The following PRKG1 variants were observed in gnomAD, a reference collection of about 807,000 sequenced individuals.
PRKG1 encodes the protein cGMP-dependent protein kinase 1.
PRKG1 carries 35 observed loss-of-function variants against 88.1 expected under a neutral mutation model. The ratio of observed to expected loss-of-function variants is 0.40; its 90% CI spans 0.30 to 0.53. The LOEUF (loss-of-function observed/expected upper bound fraction) is 0.53, where lower values mean the gene tolerates loss of function less well. Among genes scored for constraint, PRKG1 ranks in the 20% least tolerant of loss-of-function variants. The pLI is 0.59. For synonymous variants in PRKG1, 303 were observed against 292.5 expected (o/e 1.04, Z -0.37); for missense variants, 540 against 839.8 (o/e 0.64, Z 4.41).
At chr10:51,661,956 T>A (rs1032722439) in intron 3 of PRKG1, among the ~76,000 whole-genome samples, 1 of 152,064 alleles carries the variant, frequency 6.6e-6, no homozygotes, top group African/African-American at 2.4e-5. Flanking sequence ...AAACCATCAT[T>A]CTGAGCAAAC....
rs918131575 is a variant in PRKG1, at chr10:52,149,743, G to A, written c.1002-12146G>A. Among the ~76,000 whole-genome samples the A allele has an allele frequency of 1.2e-4, 18 of 152,282 alleles. No individual in the cohort carries two copies. The East Asian group carries it at 2.9e-3, about 24-fold the overall frequency. ...TGTTCTTTAAGCCACCCAGTCTGTG[G>A]CATTTTGTTATGGCAGCCTCAGGGG... is the stretch of plus-strand genomic sequence containing the variant. On this transcript the variant is annotated intron_variant, in intron 8 of 17. Coordinates refer to ENST00000373980, the MANE Select transcript of PRKG1 (RefSeq NM_006258.4).
chr10:51,576,179 C>A (rs1251188253), intron 3 of PRKG1, among the ~76,000 whole-genome samples: 1 of 151,854 alleles, frequency 6.6e-6, no homozygotes, highest in African/African-American at 2.4e-5. Context: ...AAGTTAGGTA[C>A]CCTGATTACA....
intron 9 of PRKG1, among the ~76,000 whole-genome samples, chr10:52,165,182 T>G (rs1838400867): frequency 6.6e-6 from 1 of 152,204 alleles, no homozygotes. Flanking sequence ...TTGTGTCTTA[T>G]ACACTGTTAG....
chr10:52,206,665 T>C (rs1839827415), intron 9 of PRKG1, among the ~76,000 whole-genome samples: 2 of 152,230 alleles, frequency 1.3e-5, no homozygotes, highest in Non-Finnish European at 2.9e-5. Context: ...GGCTTCATTT[T>C]TGGAAGATTT....
intron 2 of PRKG1, among the ~76,000 whole-genome samples, chr10:51,365,709 C>G (rs1420301520): frequency 6.6e-6 from 1 of 151,850 alleles, no homozygotes; most frequent in Non-Finnish European, 1.5e-5. Flanking sequence ...AACCAGATTC[C>G]TAGGGGATTC....
chr10:52,171,325 GAT>G (rs893814424), intron 9 of PRKG1, among the ~76,000 whole-genome samples: 61 of 152,054 alleles, frequency 4.0e-4, no homozygotes, highest in Non-Finnish European at 1.2e-4. Flanking sequence ...AAATGGGAAC[GAT>G]ATGTCAATTA....
intron 3 of PRKG1, among the ~76,000 whole-genome samples, chr10:51,485,084 A>G (rs967842997): frequency 1.3e-5 from 2 of 152,182 alleles, no homozygotes; most frequent in African/African-American, 4.8e-5. Flanking sequence ...CAAATAGAAA[A>G]TCTAATACAA....
chr10:51,611,148 G>A (rs1838895804), intron 3 of PRKG1, among the ~76,000 whole-genome samples: 1 of 152,012 alleles, frequency 6.6e-6, no homozygotes, highest in South Asian at 2.1e-4. Context: ...ACACAGTAGT[G>A]GGATTGCTGG....
intron 5 of PRKG1, among the ~76,000 whole-genome samples, chr10:51,983,582 T>C (rs562955445): frequency 7.9e-5 from 12 of 152,212 alleles, no homozygotes; most frequent in Non-Finnish European, 1.5e-4. Context: ...GTCCCACAGT[T>C]CCTCTAGGGC....
chr10:51,248,093 A>G (rs1007342763), intron 2 of PRKG1, among the ~76,000 whole-genome samples: 1 of 151,934 alleles, frequency 6.6e-6, no homozygotes, highest in African/African-American at 2.4e-5. Flanking sequence ...GAAAGTTAGA[A>G]GGACTGAATT....
intron 4 of PRKG1, among the ~76,000 whole-genome samples, chr10:51,877,482 C>T (rs770967522): frequency 1.3e-5 from 2 of 152,100 alleles, no homozygotes; most frequent in Non-Finnish European, 2.9e-5. Context: ...ATTTTTCTGA[C>T]AAGAATTTGT....
chr10:51,396,825 T>C (rs1252696595), intron 2 of PRKG1, among the ~76,000 whole-genome samples: 3 of 152,214 alleles, frequency 2.0e-5, no homozygotes, highest in Non-Finnish European at 4.4e-5. Flanking sequence ...AGAGGGTATG[T>C]AGTAGGGCGG....
At chr10:51,484,853 T>C (rs1840482558) in intron 3 of PRKG1, among the ~76,000 whole-genome samples, 1 of 131,962 alleles carries the variant, frequency 7.6e-6, no homozygotes, top group Non-Finnish European at 1.7e-5. Flanking sequence ...GAAATACTTG[T>C]GTTGCTGCTG....
chr10:52,232,831 C>T (rs964781399), intron 9 of PRKG1, among the ~76,000 whole-genome samples: 5 of 152,198 alleles, frequency 3.3e-5, no homozygotes, highest in Admixed American at 6.5e-5. Flanking sequence ...CTTCCACCTC[C>T]AGTTCAGCAA....
intron 2 of PRKG1, among the ~76,000 whole-genome samples, chr10:51,159,006 T>C (rs1457209400): frequency 6.6e-6 from 1 of 152,088 alleles, no homozygotes; most frequent in Admixed American, 6.6e-5. Context: ...AGTAAGTTGG[T>C]TGATACAGTG....
intron 1 of PRKG1, among the ~76,000 whole-genome samples, chr10:51,054,258 C>T (rs894209796): frequency 6.6e-6 from 1 of 152,072 alleles, no homozygotes; most frequent in African/African-American, 2.4e-5. Context: ...TGTTCCAATT[C>T]TGTTTTTAAA....
At chr10:51,062,943 T>C (rs954921101) in intron 1 of PRKG1, 1 of 152,124 alleles carries the variant, frequency 6.6e-6, no homozygotes, top group African/African-American at 2.4e-5. Flanking sequence ...ATTGAAACAA[T>C]AAAGATAGGT....
At chr10:51,674,423 C>T (rs2132354845) in intron 3 of PRKG1, among the ~76,000 whole-genome samples, 1 of 152,122 alleles carries the variant, frequency 6.6e-6, no homozygotes, top group Non-Finnish European at 1.5e-5. Flanking sequence ...TGGCATAGGA[C>T]TGGGGTTTCA....
intron 3 of PRKG1, among the ~76,000 whole-genome samples, chr10:51,740,510 A>G (rs1041600788): frequency 1.3e-5 from 2 of 152,184 alleles, no homozygotes; most frequent in Non-Finnish European, 2.9e-5. Flanking sequence ...TGCTTTGCAA[A>G]TCACTTTAAT....
Sources: gnomAD v4.1 joint callset for allele counts (sites outside exome capture counted in the v4.1 genomes callset) on GRCh38, gnomAD v4.1.1 for gene constraint, MANE v1.5 for transcripts, NCBI Gene and HGNC (gene_info 2026-07-23, HGNC 2026-07-21) for gene names.